Variants in EAF2 observed in about 807,000 individuals in gnomAD.
EAF2 encodes the protein ELL-associated factor 2.
A neutral mutation model predicts 29.4 loss-of-function variants in EAF2; 29 were observed. That is an observed-to-expected ratio of 0.99 (90% CI 0.73 to 1.35). EAF2 has a LOEUF of 1.35. Ranked by LOEUF, EAF2 falls within the 40% of genes most tolerant of loss-of-function variation. The pLI, the probability that EAF2 is intolerant of heterozygous loss-of-function variation, is 0.00. For synonymous variants in EAF2, 103 were observed against 102.5 expected, an observed-to-expected ratio of 1.00 and a Z score of -0.03; for missense variants, 292 against 312.0, an observed-to-expected ratio of 0.94 and a Z score of 0.48.
intron 5 of EAF2, among the ~76,000 whole-genome samples, chr3:121,877,673 A>G (rs1394696651): frequency 1.3e-5 from 2 of 152,014 alleles, no homozygotes; most frequent in South Asian, 2.1e-4. Flanking sequence ...GAATACTGTT[A>G]TGAAGATAAA....
intron 4 of EAF2, among the ~76,000 whole-genome samples, chr3:121,866,711 C>A (rs550964151): frequency 6.6e-6 from 1 of 150,500 alleles, no homozygotes; most frequent in African/African-American, 2.4e-5. Flanking sequence ...GGCAACAGAG[C>A]AAAACTCCAT....
chr3:121,870,027 T>A (rs1274098001), intron 4 of EAF2, among the ~76,000 whole-genome samples: 1 of 152,164 alleles, frequency 6.6e-6, no homozygotes, highest in East Asian at 1.9e-4. Flanking sequence ...GCTATCAATA[T>A]TAAATAAATT....
intron 2 of EAF2, among the ~76,000 whole-genome samples, chr3:121,847,953 T>G (rs748551531): frequency 6.6e-5 from 10 of 152,120 alleles, no homozygotes; most frequent in Non-Finnish European, 1.5e-4. Flanking sequence ...AAGGGCTCTT[T>G]GCTAGTATCT....
intron 1 of EAF2, among the ~76,000 whole-genome samples, chr3:121,839,537 C>A (rs1483220520): frequency 6.6e-6 from 1 of 152,050 alleles, no homozygotes; most frequent in African/African-American, 2.4e-5. Context: ...ATAAAAAATT[C>A]TTTATTGTCA....
chr3:121,860,785 C>T (rs897916696), intron 4 of EAF2, among the ~76,000 whole-genome samples: 1 of 152,140 alleles, frequency 6.6e-6, no homozygotes, highest in Non-Finnish European at 1.5e-5. Flanking sequence ...TTAGATCTTT[C>T]CTGCTTTCTC....
At chr3:121,856,947 G>GT in intron 3 of EAF2, 64 bp from the exon 4 acceptor site, 1 of 1,438,470 alleles carries the variant, frequency 7.0e-7, no homozygotes, top group East Asian at 2.3e-5. Context: ...TAGTAACTTT[G>GT]TAAGTTAAAT....
rs552323517 is a variant in EAF2 at position 121,841,421 on chromosome 3, C to A, written c.107-3032C>A. Among the ~76,000 whole-genome samples, 7 of 144,250 alleles carry A rather than the reference C, an allele frequency of 4.9e-5. No homozygotes were observed. The Admixed American group carries it at 4.9e-4, about 10-fold the overall frequency. 94.6% of individuals were successfully genotyped at this position (144,250 alleles called of 152,430 possible). A position where few individuals can be genotyped will look rare whatever the true frequency, so the allele number is the denominator to read the frequency against. The stretch of plus-strand genomic sequence containing the variant: ...TCAGGAGGCTGAGGCGGGAGAATCA[C>A]TTGAACCCAGGAGGCGTACGTTACA... On this transcript the variant is annotated intron_variant, in intron 1 of 5. Coordinates refer to ENST00000273668, the MANE Select transcript of EAF2 (RefSeq NM_018456.6).
intron 4 of EAF2, among the ~76,000 whole-genome samples, chr3:121,868,869 C>T (rs187552416): frequency 1.7e-4 from 26 of 152,244 alleles, no homozygotes; most frequent in South Asian, 8.3e-4. Context: ...TCAACCCACA[C>T]GATGTAATTG....
At chr3:121,869,155 T>C (rs1244451607) in intron 4 of EAF2, among the ~76,000 whole-genome samples, 1 of 152,188 alleles carries the variant, frequency 6.6e-6, no homozygotes, top group South Asian at 2.1e-4. Flanking sequence ...TAAAAATACA[T>C]GCAGCTAAAT....
At chr3:121,847,088 T>C (rs1391652933) in intron 2 of EAF2, among the ~76,000 whole-genome samples, 1 of 152,184 alleles carries the variant, frequency 6.6e-6, no homozygotes, top group Non-Finnish European at 1.5e-5. Context: ...TGTGTGTGTG[T>C]ATATGCATGG....
intron 1 of EAF2, among the ~76,000 whole-genome samples, chr3:121,842,128 G>C (rs1422151243): frequency 6.6e-6 from 1 of 152,172 alleles, no homozygotes; most frequent in East Asian, 1.9e-4. Flanking sequence ...AGGTTGCAGT[G>C]AGCCGAGATC....
At chr3:121,839,125 A>G (rs1344939237) in intron 1 of EAF2, among the ~76,000 whole-genome samples, 2 of 152,226 alleles carry the variant, frequency 1.3e-5, no homozygotes, top group East Asian at 3.8e-4. Context: ...GCTTGACTTT[A>G]GAAGTGCTTT....
chr3:121,860,100 C>T (rs112134281), intron 4 of EAF2, among the ~76,000 whole-genome samples: 125 of 152,284 alleles, frequency 8.2e-4, no homozygotes, highest in African/African-American at 2.0e-3. Context: ...ATTTTCACAT[C>T]GGTGTTCACC....
intron 5 of EAF2, among the ~76,000 whole-genome samples, chr3:121,874,130 T>A (rs1247918836): frequency 1.3e-5 from 2 of 151,772 alleles, no homozygotes; most frequent in Non-Finnish European, 3.0e-5. Flanking sequence ...AGGTTGGTAT[T>A]ACCTGGGGAG....
chr3:121,885,084 T>A (rs1709261570), intron 5 of EAF2, among the ~76,000 whole-genome samples: 1 of 152,204 alleles, frequency 6.6e-6, no homozygotes, highest in Non-Finnish European at 1.5e-5. Flanking sequence ...ATTTACCACA[T>A]GAAAATTGAA....
intron 4 of EAF2, among the ~76,000 whole-genome samples, chr3:121,866,301 C>T (rs1708925269): frequency 6.6e-6 from 1 of 152,156 alleles, no homozygotes; most frequent in African/African-American, 2.4e-5. Context: ...ATTTAAACTA[C>T]AGCCCACAAC....
intron 4 of EAF2, among the ~76,000 whole-genome samples, chr3:121,859,319 A>G (rs1049441753): frequency 6.6e-6 from 1 of 152,078 alleles, no homozygotes; most frequent in African/African-American, 2.4e-5. Flanking sequence ...ATGTTCTTCC[A>G]TTTGTTTGTG....
intron 5 of EAF2, among the ~76,000 whole-genome samples, chr3:121,881,862 G>T (rs371127108): frequency 6.6e-6 from 1 of 151,950 alleles, no homozygotes; most frequent in Non-Finnish European, 1.5e-5. Context: ...ACATAGGAAC[G>T]GATGGTTTTG....
intron 1 of EAF2, among the ~76,000 whole-genome samples, chr3:121,840,515 A>ACAAAAAAAAC (rs1553725708): frequency 1.0e-5 from 1 of 97,892 alleles, no homozygotes; most frequent in Non-Finnish European, 2.0e-5. Context: ...AAAAGAAAAA[A>ACAAAAAAAAC]AAAAAACGGG....
Sources: gnomAD v4.1 joint callset for allele counts (sites outside exome capture counted in the v4.1 genomes callset) on GRCh38, gnomAD v4.1.1 for gene constraint, MANE v1.5 for transcripts, NCBI Gene and HGNC (gene_info 2026-07-23, HGNC 2026-07-21) for gene names.